The following NECTIN3 variants were observed in gnomAD, a reference collection of about 807,000 sequenced individuals.
The protein encoded by NECTIN3 is nectin-3.
In NECTIN3, 8 loss-of-function variants were observed where a neutral mutation model predicts 49.4. That is an observed-to-expected ratio of 0.16 (90% CI 0.10 to 0.29). The LOEUF (loss-of-function observed/expected upper bound fraction) is 0.29, where lower values mean the gene tolerates loss of function less well. Ranked by LOEUF, NECTIN3 falls within the 10% of genes least tolerant of loss-of-function variation. The pLI is 1.00. For missense variants in NECTIN3, 581 were observed against 654.6 expected (o/e 0.89, Z 1.23); for synonymous variants, 277 against 241.1 (o/e 1.15, Z -1.38).
rs150185923 is a variant in NECTIN3, at chr3:111,130,799, G to A, written c.1070-2836G>A. On this transcript the variant is annotated intron_variant, in intron 5 of 5. Coordinates refer to ENST00000485303, the MANE Select transcript of NECTIN3 (RefSeq NM_015480.3). ...AATAGTAATACTCTCAAGAGGTATAGTAGCTCTTTGACTAGTACTTACTGA... is the reference window on the plus strand; with the variant it reads ...AATAGTAATACTCTCAAGAGGTATAATAGCTCTTTGACTAGTACTTACTGA... Among the ~76,000 whole-genome samples the A allele has an allele frequency of 1.7e-4, 26 of 152,206 alleles. No individual in the cohort carries two copies. The East Asian group carries it at 5.0e-3, about 29-fold the overall frequency.
At chr3:111,188,841 A>G (rs1183473620), upstream of NECTIN3, among the ~76,000 whole-genome samples, 1 of 152,180 alleles carries the variant, frequency 6.6e-6, no homozygotes, top group African/African-American at 2.4e-5. Flanking sequence ...TTTTCCGGTC[A>G]TGTTAAATTT....
chr3:111,103,585 A>G (rs1271381594), intron 1 of NECTIN3, among the ~76,000 whole-genome samples: 3 of 151,898 alleles, frequency 2.0e-5, no homozygotes, highest in Non-Finnish European at 4.4e-5. Context: ...TTAATAAATA[A>G]AGAAATAAAG....
chr3:111,104,150 A>G (rs2033057843), intron 1 of NECTIN3, among the ~76,000 whole-genome samples: 1 of 152,120 alleles, frequency 6.6e-6, no homozygotes, highest in African/African-American at 2.4e-5. Flanking sequence ...GTTCTAATTC[A>G]TCCATATTTT....
intron 5 of NECTIN3, among the ~76,000 whole-genome samples, chr3:111,127,161 A>G (rs910625110): frequency 6.6e-6 from 1 of 152,216 alleles, no homozygotes; most frequent in Non-Finnish European, 1.5e-5. Flanking sequence ...TCAGGTTTGT[A>G]TGGTAATTAT....
chr3:111,115,850 A>G (rs1190812415), intron 2 of NECTIN3, among the ~76,000 whole-genome samples: 2 of 152,266 alleles, frequency 1.3e-5, no homozygotes, highest in African/African-American at 4.8e-5. Flanking sequence ...CTGATTGGAT[A>G]TAAGAAGTAA....
At chr3:111,179,957 G>T (rs1486801809) in intron 7 of NECTIN3, among the ~76,000 whole-genome samples, 4 of 151,380 alleles carry the variant, frequency 2.6e-5, no homozygotes, top group Non-Finnish European at 4.4e-5. Context: ...ATGGCAGTCT[G>T]CACTGATCAC....
chr3:111,139,076 T>C (rs2107502708), downstream of NECTIN3, among the ~76,000 whole-genome samples: 1 of 151,768 alleles, frequency 6.6e-6, no homozygotes, highest in East Asian at 1.9e-4. Context: ...TGGTCAGTCT[T>C]ATTCAATTTA....
intron 1 of NECTIN3, among the ~76,000 whole-genome samples, chr3:111,094,638 G>A (rs539450814): frequency 6.6e-6 from 1 of 152,272 alleles, no homozygotes; most frequent in East Asian, 1.9e-4. Context: ...ACCAGGAACA[G>A]GATTCCACAG....
At chr3:111,173,038 G>A (rs769060682) in intron 7 of NECTIN3, among the ~76,000 whole-genome samples, 3 of 152,040 alleles carry the variant, frequency 2.0e-5, no homozygotes, top group Admixed American at 6.5e-5. Context: ...TTAGAAACAG[G>A]GCTACAATCA....
At chr3:111,097,053 A>G (rs1024231704) in intron 1 of NECTIN3, among the ~76,000 whole-genome samples, 9 of 152,234 alleles carry the variant, frequency 5.9e-5, no homozygotes, top group South Asian at 2.1e-4. Flanking sequence ...AGCTGCAGAC[A>G]CTCAATGCCA....
chr3:111,084,102 A>C (rs1331899967), intron 1 of NECTIN3, among the ~76,000 whole-genome samples: 1 of 152,256 alleles, frequency 6.6e-6, no homozygotes, highest in Non-Finnish European at 1.5e-5. Context: ...GAGAGATGCT[A>C]GTATTAGAAA....
chr3:111,169,672 C>G (rs1407640038), intron 7 of NECTIN3, among the ~76,000 whole-genome samples: 1 of 152,146 alleles, frequency 6.6e-6, no homozygotes, highest in Admixed American at 6.5e-5. Flanking sequence ...CAAGTACATT[C>G]TATTTATCTC....
chr3:111,081,648 C>G (rs1366950700), intron 1 of NECTIN3, among the ~76,000 whole-genome samples: 1 of 152,024 alleles, frequency 6.6e-6, no homozygotes, highest in Non-Finnish European at 1.5e-5. Context: ...AGAAAGAGGA[C>G]CAATTTAACT....
intron 1 of NECTIN3, chr3:111,072,447 G>A (rs1280323516): frequency 6.5e-7 from 1 of 1,534,940 alleles, no homozygotes; most frequent in South Asian, 1.2e-5. Flanking sequence ...ATGGTGCTTC[G>A]TGCGCCGAAC....
chr3:111,091,702 G>A (rs987405564), intron 1 of NECTIN3, among the ~76,000 whole-genome samples: 3 of 152,098 alleles, frequency 2.0e-5, no homozygotes, highest in Non-Finnish European at 4.4e-5. Context: ...CTAGTCATTA[G>A]TTGATAGACA....
At chr3:111,091,502 T>C (rs142233078) in intron 1 of NECTIN3, among the ~76,000 whole-genome samples, 1,719 of 152,268 alleles carry the variant, frequency 0.011, 35 homozygotes, top group African/African-American at 0.038. Context: ...TTCACCCGCC[T>C]CGGCCTCCAG....
intron 7 of NECTIN3, among the ~76,000 whole-genome samples, chr3:111,171,940 A>C (rs1399368344): frequency 6.6e-6 from 1 of 152,248 alleles, no homozygotes; most frequent in Non-Finnish European, 1.5e-5. Flanking sequence ...TTTTACTGAC[A>C]AGAGTTACCT....
At chr3:111,081,684 C>G (rs1194326817) in intron 1 of NECTIN3, among the ~76,000 whole-genome samples, 1 of 152,106 alleles carries the variant, frequency 6.6e-6, no homozygotes, top group East Asian at 1.9e-4. Flanking sequence ...CTTAGAGGAG[C>G]TAATTTTCTA....
At chr3:111,098,424 G>A (rs2032715428) in intron 1 of NECTIN3, among the ~76,000 whole-genome samples, 1 of 152,178 alleles carries the variant, frequency 6.6e-6, no homozygotes, top group Admixed American at 6.5e-5. Flanking sequence ...GTGGCTCTAA[G>A]GGAGATTTTG....
Sources: gnomAD v4.1 joint callset for allele counts (sites outside exome capture counted in the v4.1 genomes callset) on GRCh38, gnomAD v4.1.1 for gene constraint, MANE v1.5 for transcripts, NCBI Gene and HGNC (gene_info 2026-07-23, HGNC 2026-07-21) for gene names.